TEKT5: variants seen among roughly 807,000 people sequenced by gnomAD.
The protein encoded by TEKT5 is tektin-5.
In TEKT5, 52 loss-of-function variants were observed where a neutral mutation model predicts 48.7. The ratio of observed to expected loss-of-function variants is 1.07; its 90% CI spans 0.86 to 1.35. The LOEUF is 1.35. Among genes scored for constraint, TEKT5 ranks in the 40% most tolerant of loss-of-function variants. TEKT5 has a pLI of 0.00. For synonymous variants in TEKT5, 318 were observed against 267.6 expected, an observed-to-expected ratio of 1.19 and a Z score of -1.84; for missense variants, 831 against 641.6, an observed-to-expected ratio of 1.30 and a Z score of -3.19.
chr16:10,666,596 C>G (rs1409906202), intron 5 of TEKT5, among the ~76,000 whole-genome samples: 6 of 152,198 alleles, frequency 3.9e-5, no homozygotes, highest in Non-Finnish European at 8.8e-5. Context: ...AAGAATTACT[C>G]AGGCCACAAC....
intron 5 of TEKT5, among the ~76,000 whole-genome samples, chr16:10,650,870 G>A (rs1171760142): frequency 1.4e-5 from 2 of 145,770 alleles, no homozygotes; most frequent in Non-Finnish European, 3.0e-5. Context: ...GGGTGACAGA[G>A]TAAGACTCCA....
intron 5 of TEKT5, among the ~76,000 whole-genome samples, chr16:10,638,080 G>C (rs750341433): frequency 6.6e-6 from 1 of 152,152 alleles, no homozygotes; most frequent in Non-Finnish European, 1.5e-5. Context: ...CCAAAGTGCT[G>C]GGATTACAGG....
chr16:10,653,054 G>T (rs1898196925), intron 5 of TEKT5, among the ~76,000 whole-genome samples: 1 of 152,322 alleles, frequency 6.6e-6, no homozygotes, highest in Non-Finnish European at 1.5e-5. Flanking sequence ...CCCCACTGCA[G>T]GTCCCCTCCC....
chr16:10,682,230 C>A (rs1014110299), intron 3 of TEKT5, 94 bp from the exon 4 acceptor site: 22 of 1,447,976 alleles, frequency 1.5e-5, no homozygotes, highest in Admixed American at 8.1e-5. Context: ...GCCCTGGACT[C>A]CCAGAAAGCC....
At chr16:10,651,012 C>T (rs1272829976) in intron 5 of TEKT5, among the ~76,000 whole-genome samples, 5 of 152,156 alleles carry the variant, frequency 3.3e-5, no homozygotes, top group African/African-American at 4.8e-5. Flanking sequence ...GAGAGGCAGA[C>T]GGCTGCATGG....
chr16:10,649,250 C>A (rs1167977731), intron 5 of TEKT5, among the ~76,000 whole-genome samples: 1 of 151,924 alleles, frequency 6.6e-6, no homozygotes, highest in African/African-American at 2.4e-5. Context: ...TCCTATGTAG[C>A]TGGCATTACA....
At chr16:10,632,426 T>A (rs1338286228) in intron 6 of TEKT5, among the ~76,000 whole-genome samples, 2 of 152,096 alleles carry the variant, frequency 1.3e-5, no homozygotes, top group Non-Finnish European at 2.9e-5. Flanking sequence ...GCCTCCTAAG[T>A]AGCTTGGACT....
At chr16:10,627,886 A>C in intron 6 of TEKT5, 87 bp from the exon 7 acceptor site, 1 of 1,299,752 alleles carries the variant, frequency 7.7e-7, no homozygotes, top group Non-Finnish European at 1.1e-6. Flanking sequence ...TCTGTCACCC[A>C]GGCTGGAGTG....
At chr16:10,650,065 T>G (rs562826766) in intron 5 of TEKT5, among the ~76,000 whole-genome samples, 4 of 151,780 alleles carry the variant, frequency 2.6e-5, no homozygotes, top group African/African-American at 9.7e-5. Context: ...CTTTTTTTAT[T>G]TTTATTTTTA....
chr16:10,643,813 G>A (rs1347062133), intron 5 of TEKT5, among the ~76,000 whole-genome samples: 1 of 152,126 alleles, frequency 6.6e-6, no homozygotes. Context: ...CAAGACAGGT[G>A]GATCACCTGA....
intron 6 of TEKT5, among the ~76,000 whole-genome samples, chr16:10,635,070 T>C (rs779182412): frequency 3.3e-5 from 5 of 151,886 alleles, no homozygotes; most frequent in African/African-American, 1.2e-4. Context: ...GAGAACAGAG[T>C]GGCCAAGTGG....
At chr16:10,677,869 G>A (rs1468419132) in intron 4 of TEKT5, among the ~76,000 whole-genome samples, 1 of 152,150 alleles carries the variant, frequency 6.6e-6, no homozygotes, top group African/African-American at 2.4e-5. Context: ...GTCTGCAGAG[G>A]ATAGTCGGCC....
At chr16:10,634,863 G>T (rs370343767) in intron 6 of TEKT5, among the ~76,000 whole-genome samples, 1 of 152,140 alleles carries the variant, frequency 6.6e-6, no homozygotes, top group East Asian at 1.9e-4. Context: ...GTCCAGCCTT[G>T]AGATAAGACC....
intron 4 of TEKT5, 32 bp downstream of exon 4, chr16:10,681,961 C>A (rs749411831): frequency 6.2e-7 from 1 of 1,608,826 alleles, no homozygotes; most frequent in African/African-American, 1.3e-5. Context: ...GTTGGACACG[C>A]CAGGGATGGG....
chr16:10,668,027 G>A (rs2719686), intron 5 of TEKT5, among the ~76,000 whole-genome samples: 51,534 of 151,518 alleles, frequency 0.34, 9,885 homozygotes, highest in East Asian at 0.54. Flanking sequence ...ACAGGCATGC[G>A]CCACCATGCC....
At chr16:10,670,821 A>G (rs1898537079) in intron 5 of TEKT5, among the ~76,000 whole-genome samples, 1 of 152,160 alleles carries the variant, frequency 6.6e-6, no homozygotes, top group Admixed American at 6.5e-5. Flanking sequence ...TGAGGTTGTT[A>G]GTAATAATTC....
In TEKT5 at chr16:10,656,654, T is replaced by G. The variant is rs111892932; in HGVS notation, c.1086+19305A>C. Reference sequence around the variant, plus strand: ...AAACACCTGAGATATAATAAACTGATGTCAAGAGGAAAAGATAACCAAAGA... The same window carrying G: ...AAACACCTGAGATATAATAAACTGAGGTCAAGAGGAAAAGATAACCAAAGA... On this transcript the variant is annotated intron_variant, in intron 5 of 6. Transcript: ENST00000283025. Among the ~76,000 whole-genome samples the G allele has an allele frequency of 7.0e-4, 107 of 152,320 alleles. 3 individuals are homozygous for G. The highest frequency in any genetic ancestry group is 2.5e-3 in the African/African-American group (105 of 41,552).
chr16:10,653,868 G>T (rs535143724), intron 5 of TEKT5, among the ~76,000 whole-genome samples: 3 of 152,142 alleles, frequency 2.0e-5, no homozygotes, highest in Non-Finnish European at 2.9e-5. Context: ...AGCCGAGACC[G>T]AGCCATTGCA....
intron 5 of TEKT5, among the ~76,000 whole-genome samples, chr16:10,675,503 A>AC (rs1353935926): frequency 6.6e-6 from 1 of 151,866 alleles, no homozygotes; most frequent in Non-Finnish European, 1.5e-5. Context: ...TCCAAAAAGC[A>AC]CCCCACCCCT....
Sources: allele counts gnomAD v4.1 joint callset (sites outside exome capture counted in the v4.1 genomes callset), GRCh38; gene constraint gnomAD v4.1.1; transcripts MANE v1.5; gene names NCBI Gene and HGNC (gene_info 2026-07-23, HGNC 2026-07-21).